Variants in NOS1 observed in about 807,000 individuals in gnomAD.
NOS1 encodes nitric oxide synthase 1.
A neutral mutation model predicts 164.5 loss-of-function variants in NOS1; 51 were observed. That is an observed-to-expected ratio of 0.31 (90% confidence interval 0.25 to 0.39). The LOEUF (loss-of-function observed/expected upper bound fraction) is 0.39, where lower values mean the gene tolerates loss of function less well. Ranked by LOEUF, NOS1 falls within the 10% of genes least tolerant of loss-of-function variation. The pLI, the probability that NOS1 is intolerant of heterozygous loss-of-function variation, is 1.00. For missense variants in NOS1, 1,362 were observed against 1,885.6 expected, an observed-to-expected ratio of 0.72 and a Z score of 5.14; for synonymous variants, 719 against 745.8, an observed-to-expected ratio of 0.96 and a Z score of 0.59.
chr12:117,260,126 A>C (rs1246351236), intron 14 of NOS1, among the ~76,000 whole-genome samples: 5 of 141,934 alleles, frequency 3.5e-5, no homozygotes, highest in Non-Finnish European at 5.9e-5. Context: ...CTCAAAAAAA[A>C]AAAAAAACAA....
rs986962605 is a variant in NOS1, at chr12:117,360,219, G to A, written c.-421+1293C>T. On this transcript the variant is annotated intron_variant, in intron 1 of 28. Coordinates refer to ENST00000317775, the MANE Select transcript of NOS1 (RefSeq NM_000620.5). Reference sequence around the variant, plus strand: ...AGATGTCTACCCCAGACAGCCTGATGCGGAGCTTGGAGAGCCATGAGCTCT... The same window carrying A: ...AGATGTCTACCCCAGACAGCCTGATACGGAGCTTGGAGAGCCATGAGCTCT... Among the ~76,000 whole-genome samples, 6 of 152,006 alleles carry A rather than the reference G, an allele frequency of 3.9e-5. No individual in the cohort carries two copies. The South Asian group carries it at 1.2e-3, about 32-fold the overall frequency.
At position 117,214,042 on chromosome 12, in the gene NOS1, G is replaced by T; in HGVS notation, c.*1267C>A. 1.0e-6 allele frequency: 1 copy of T among 985,404 alleles called. No individual in the cohort carries two copies. The highest frequency in any genetic ancestry group is 1.2e-6 in the Non-Finnish European group (1 of 829,924). 61.0% of individuals were successfully genotyped at this position (985,404 alleles called of 1,614,324 possible). ...GGAGATCAACTGCAGAGGGCAACAA[G>T]CCTGAGGGACAAGTTCTTCCCACCC... is the stretch of plus-strand genomic sequence containing the variant. On this transcript the variant is annotated 3_prime_UTR_variant, in exon 29 of 29. Coordinates refer to ENST00000317775, the MANE Select transcript of NOS1 (RefSeq NM_000620.5).
At chr12:117,337,553 A>G (rs1364775516) in intron 1 of NOS1, among the ~76,000 whole-genome samples, 3 of 152,334 alleles carry the variant, frequency 2.0e-5, no homozygotes, top group South Asian at 4.1e-4. Flanking sequence ...GATCTCCTCA[A>G]GAACCTACTG....
chr12:117,235,597 T>G (rs4767523), intron 20 of NOS1, among the ~76,000 whole-genome samples: 17,289 of 152,224 alleles, frequency 0.11, 1,356 homozygotes, highest in Admixed American at 0.29. Context: ...AATTGAGAGA[T>G]CTAAAAAGAA....
chr12:117,210,361 G>A lies in NOS1; in HGVS notation c.*4948C>T. The A allele has an allele frequency of 1.0e-6, 1 of 985,314 alleles. No homozygotes were observed. Among genetic ancestry groups the A allele is most frequent in the Non-Finnish European group, 1.2e-6 (1 of 829,934 alleles). 61.0% of individuals were successfully genotyped at this position (985,314 alleles called of 1,614,324 possible). ...CAGAGAGTATGAATGGGTTATAAAG[G>A]AAGACTAGTTAGTGTTTCTCTCTCC... On this transcript the variant is annotated 3_prime_UTR_variant, in exon 29 of 29. Transcript: ENST00000317775.
Position 117,208,508 on chromosome 12 carries a change from T to C in NOS1, c.*6801A>G, listed in dbSNP as rs1956477275. 3 of 1,230,948 alleles carry C rather than the reference T, an allele frequency of 2.4e-6. No individual in the cohort carries two copies. Among genetic ancestry groups the C allele is most frequent in the South Asian group, 2.8e-5 (2 of 72,208 alleles). 76.3% of individuals were successfully genotyped at this position (1,230,948 alleles called of 1,614,324 possible). On this transcript the variant is annotated 3_prime_UTR_variant, in exon 29 of 29. Transcript: ENST00000317775. ...ACGTGGGGTGCCCGGCACCGCTCTT[T>C]GGGCCTTCTGGAAAACCACTGCTGA...
In NOS1 at chr12:117,330,246, C is replaced by G. The variant is rs762066572; in HGVS notation, c.725+99G>C. On this transcript the variant is annotated intron_variant, in intron 2 of 28. Transcript: ENST00000317775. This position sits in a 1 kb window ranked among gnomAD's most constrained non-coding sequence, Gnocchi z 4.6. ...AGGTATCTGAGACAGCCCAGGTTGGCTTCTGGGCTATGAGGCTGAGTCTCA... is the reference window on the plus strand; with the variant it reads ...AGGTATCTGAGACAGCCCAGGTTGGGTTCTGGGCTATGAGGCTGAGTCTCA... 14 of 1,468,516 alleles carry G rather than the reference C, an allele frequency of 9.5e-6. No individual in the cohort carries two copies. The highest frequency in any genetic ancestry group is 1.3e-5 in the Non-Finnish European group (14 of 1,110,686). The allele number at this position is 1,468,516 out of a possible 1,614,324, so 91.0% of individuals were successfully genotyped here.
intron 4 of NOS1, among the ~76,000 whole-genome samples, chr12:117,288,586 G>A (rs1872856616): frequency 6.6e-6 from 1 of 152,122 alleles, no homozygotes; most frequent in Non-Finnish European, 1.5e-5. Context: ...TAGACTGATT[G>A]CAAAACAGGA....
chr12:117,210,134 A>T lies in NOS1; in HGVS notation c.*5175T>A. The T allele has an allele frequency of 2.1e-6, 1 of 470,720 alleles. No homozygotes were observed. The highest frequency in any genetic ancestry group is 2.7e-6 in the Non-Finnish European group (1 of 371,028). 29.2% of individuals were successfully genotyped at this position (470,720 alleles called of 1,614,324 possible). A position where few individuals can be genotyped will look rare whatever the true frequency, so the allele number is the denominator to read the frequency against. On this transcript the variant is annotated 3_prime_UTR_variant, in exon 29 of 29. Transcript: ENST00000317775. Reference sequence around the variant, plus strand: ...ACCACAGGAGCATGCCATCATGCCCAGCTAATTTTTTTTTTTTTTTTTTTT... The same window carrying T: ...ACCACAGGAGCATGCCATCATGCCCTGCTAATTTTTTTTTTTTTTTTTTTT...
At position 117,246,411 on chromosome 12, in the gene NOS1, C is replaced by T. The variant is rs556924402; in HGVS notation, c.2823+937G>A. 7.9e-5 allele frequency among the ~76,000 whole-genome samples: 12 copies of T among 152,296 alleles called. 2 individuals carry two copies. The highest frequency in any genetic ancestry group is 2.4e-4 in the African/African-American group (10 of 41,554). ...CCAGCCTCCAAAAGTGCTGGGACAA[C>T]AAGCATCAACCACCATGTCCAGCCT... On this transcript the variant is annotated intron_variant, in intron 18 of 28. Transcript: ENST00000317775.
intron 17 of NOS1, among the ~76,000 whole-genome samples, chr12:117,252,890 C>A (rs1566040729): frequency 6.6e-6 from 1 of 152,320 alleles, no homozygotes; most frequent in East Asian, 1.9e-4. Flanking sequence ...GTTCTTCCTA[C>A]AGGGCAACTC....
chr12:117,225,207 T>C, intron 24 of NOS1, 70 bp from the exon 25 acceptor site: 1 of 1,542,518 alleles, frequency 6.5e-7, no homozygotes, highest in Non-Finnish European at 8.7e-7. Context: ...GAATCTTAGG[T>C]AGACCAGGTG....
chr12:117,276,091 T>A (rs924112847), intron 9 of NOS1, among the ~76,000 whole-genome samples: 1 of 152,154 alleles, frequency 6.6e-6, no homozygotes, highest in African/African-American at 2.4e-5. Context: ...ATGGGGTACA[T>A]GAAATGTTTT....
intron 24 of NOS1, 65 bp downstream of exon 24, chr12:117,226,618 C>T (rs1025851794): frequency 1.4e-6 from 2 of 1,470,406 alleles, no homozygotes; most frequent in South Asian, 1.1e-5. Flanking sequence ...GTCCACCTAC[C>T]CCAACTTGTG....
chr12:117,258,369 G>A (rs1312136304), intron 16 of NOS1, 28 bp downstream of exon 16: 1 of 1,612,584 alleles, frequency 6.2e-7, no homozygotes, highest in South Asian at 1.1e-5. Context: ...GGGGGTGGCG[G>A]GTGACGTCGG....
In NOS1 at chr12:117,210,408, A is replaced by C; in HGVS notation, c.*4901T>G. 2.0e-6 allele frequency: 2 copies of C among 985,448 alleles called. No homozygotes were observed. The highest frequency in any genetic ancestry group is 1.2e-6 in the Non-Finnish European group (1 of 829,972). The allele number at this position is 985,448 out of a possible 1,614,324, so 61.0% of individuals were successfully genotyped here. On this transcript the variant is annotated 3_prime_UTR_variant, in exon 29 of 29. Transcript: ENST00000317775. ...CTCCTTGTTGCTTCCTGGCAGTCTCAGACTACATTCCTGATACAGACAGAA... is the reference window on the plus strand; with the variant it reads ...CTCCTTGTTGCTTCCTGGCAGTCTCCGACTACATTCCTGATACAGACAGAA...
At chr12:117,304,611 A>T (rs1179448679) in intron 3 of NOS1, among the ~76,000 whole-genome samples, 1 of 152,176 alleles carries the variant, frequency 6.6e-6, no homozygotes, top group Non-Finnish European at 1.5e-5. Context: ...TGTTCTATCT[A>T]CTATCCCAGG....
In NOS1 at chr12:117,253,619, C is replaced by T; in HGVS notation, c.2648+19G>A. 13 of 1,569,786 alleles carry T rather than the reference C, an allele frequency of 8.3e-6. No individual in the cohort carries two copies. Among genetic ancestry groups the T allele is most frequent in the Non-Finnish European group, 1.1e-5 (13 of 1,140,894 alleles). On this transcript the variant is annotated intron_variant, in intron 17 of 28. Coordinates refer to ENST00000317775, the MANE Select transcript of NOS1 (RefSeq NM_000620.5). ...CCTTAGTCTTCCCTGACCCCCGACC[C>T]CCTTATCCCCTTGCTCACCTCACAT...
intron 16 of NOS1, among the ~76,000 whole-genome samples, chr12:117,256,284 G>GTTTTGTTTT (rs1871443323): frequency 8.4e-6 from 1 of 118,488 alleles, no homozygotes; most frequent in African/African-American, 3.8e-5. Flanking sequence ...GGGATTTTCT[G>GTTTTGTTTT]TTTTTTTTTT....
Sources: gnomAD v4.1 joint callset for allele counts (sites outside exome capture counted in the v4.1 genomes callset) on GRCh38, gnomAD v4.1.1 for gene constraint, Gnocchi (gnomAD v3.1) non-coding constraint, MANE v1.5 for transcripts, NCBI Gene and HGNC (gene_info 2026-07-23, HGNC 2026-07-21) for gene names.